The following CACNG7 variants were observed in gnomAD, a reference collection of about 807,000 sequenced individuals.
CACNG7 encodes the protein calcium voltage-gated channel auxiliary subunit gamma 7.
Under a neutral mutation model 26.3 loss-of-function variants are expected in CACNG7, and 9 were observed. The ratio of observed to expected loss-of-function variants is 0.34; its 90% CI spans 0.21 to 0.60. The LOEUF (loss-of-function observed/expected upper bound fraction) is 0.60, where lower values mean the gene tolerates loss of function less well. Among genes scored for constraint, CACNG7 ranks in the 20% least tolerant of loss-of-function variants. CACNG7 has a pLI of 0.81. For synonymous variants in CACNG7, 170 were observed against 157.0 expected (o/e 1.08, Z -0.62); for missense variants, 297 against 380.4 (o/e 0.78, Z 1.82).
intron 4 of CACNG7, among the ~76,000 whole-genome samples, chr19:53,935,969 C>T (rs191445225): frequency 6.2e-4 from 94 of 151,966 alleles, no homozygotes; most frequent in African/African-American, 2.0e-3. Context: ...GTTACTTTTT[C>T]CTGATTCAGA....
intron 4 of CACNG7, among the ~76,000 whole-genome samples, chr19:53,941,061 CA>C (rs11300024): frequency 0.88 from 125,725 of 143,646 alleles, 54,961 homozygotes; most frequent in African/African-American, 0.94. Flanking sequence ...GACTCCATTT[CA>C]AAAAAAAAAA....
At chr19:53,921,006 T>G (rs957230164) in intron 4 of CACNG7, among the ~76,000 whole-genome samples, 1 of 78,898 alleles carries the variant, frequency 1.3e-5, no homozygotes, top group Non-Finnish European at 2.3e-5. Flanking sequence ...AGGCTGGTCA[T>G]TGGTGGAGTT....
rs1258558998 is a variant in CACNG7 at position 53,943,881 on chromosome 19, T to A, written c.*1588T>A. The A allele has an allele frequency of 1.3e-5, 2 of 152,098 alleles. No homozygotes were observed. The highest frequency in any genetic ancestry group is 4.8e-5 in the African/African-American group (2 of 41,398). The allele number at this position is 152,098 out of a possible 1,614,324, so 9.4% of individuals were successfully genotyped here. A position where few individuals can be genotyped will look rare whatever the true frequency, so the allele number is the denominator to read the frequency against. Reference sequence around the variant, plus strand: ...CGGCAGCGCTTTATACTTCAGTCCGTGTAAAGCATGCAGGACCGTAAATGA... The same window carrying A: ...CGGCAGCGCTTTATACTTCAGTCCGAGTAAAGCATGCAGGACCGTAAATGA... On this transcript the variant is annotated 3_prime_UTR_variant, in exon 6 of 6. Coordinates refer to ENST00000391767, the MANE Select transcript of CACNG7 (RefSeq NM_031896.5).
intron 4 of CACNG7, among the ~76,000 whole-genome samples, chr19:53,930,624 A>C (rs2069065515): frequency 6.6e-6 from 1 of 151,868 alleles, no homozygotes; most frequent in Admixed American, 6.6e-5. Flanking sequence ...CTGCCCACCT[A>C]GGCCTCCCAA....
chr19:53,914,336 C>T (rs1453568450), intron 2 of CACNG7, among the ~76,000 whole-genome samples, 164 bp from the exon 3 acceptor site: 1 of 151,924 alleles, frequency 6.6e-6, no homozygotes. Flanking sequence ...GACATCCACC[C>T]ACCCGCTTTC....
At chr19:53,919,359 T>G (rs567907327) in intron 4 of CACNG7, among the ~76,000 whole-genome samples, 2 of 152,016 alleles carry the variant, frequency 1.3e-5, no homozygotes, top group South Asian at 4.2e-4. Flanking sequence ...GTCTGGTCAT[T>G]GGTGGAGTTG....
chr19:53,920,742 G>A (rs1279162566), intron 4 of CACNG7, among the ~76,000 whole-genome samples: 2 of 113,142 alleles, frequency 1.8e-5, no homozygotes, highest in Non-Finnish European at 3.5e-5. Flanking sequence ...GCTGGTCATT[G>A]GTGGAGTTGC....
intron 4 of CACNG7, among the ~76,000 whole-genome samples, chr19:53,930,014 G>A (rs1021326469): frequency 6.9e-6 from 1 of 145,224 alleles, no homozygotes; most frequent in Non-Finnish European, 1.5e-5. Context: ...GGGGATGGAG[G>A]AGATGTCTAA....
chr19:53,941,315 G>A (rs2069135920), intron 4 of CACNG7, among the ~76,000 whole-genome samples, 155 bp from the exon 5 acceptor site: 1 of 152,020 alleles, frequency 6.6e-6, no homozygotes, highest in African/African-American at 2.4e-5. Flanking sequence ...TTCATCTCTG[G>A]GCTCCCTGCA....
intron 5 of CACNG7, 157 bp downstream of exon 5, chr19:53,941,772 AG>A (rs2069138920): frequency 1.0e-6 from 1 of 987,820 alleles, no homozygotes; most frequent in Non-Finnish European, 1.5e-6. Flanking sequence ...CTGGAGGAAG[AG>A]GGGTCTGAGA....
At chr19:53,923,143 T>C (rs1178873158) in intron 4 of CACNG7, among the ~76,000 whole-genome samples, 1 of 112,598 alleles carries the variant, frequency 8.9e-6, no homozygotes. Context: ...ATTGGTGGAG[T>C]TGCCCCAGGT....
At chr19:53,924,399 C>CCTGGTCATTGGTGTACTTGCCCCAGGT (rs2069003073) in intron 4 of CACNG7, among the ~76,000 whole-genome samples, 9 of 113,738 alleles carry the variant, frequency 7.9e-5, no homozygotes, top group African/African-American at 2.8e-4. Context: ...TGTCCCCAGG[C>CCTGGTCATTGGTGTACTTGCCCCAGGT]CTGGTCATTG....
chr19:53,918,894 G>T (rs969673577), intron 4 of CACNG7, among the ~76,000 whole-genome samples: 4 of 152,038 alleles, frequency 2.6e-5, no homozygotes, highest in African/African-American at 9.7e-5. Context: ...TCAGCCTCCC[G>T]AGTAGCTGGG....
intron 4 of CACNG7, among the ~76,000 whole-genome samples, chr19:53,925,484 G>GCTGGTCATGGGTGGACTTGCCCCAGGT (rs2069021364): frequency 1.7e-5 from 2 of 116,684 alleles, no homozygotes; most frequent in Non-Finnish European, 3.5e-5. Context: ...GTTGCCCCAG[G>GCTGGTCATGGGTGGACTTGCCCCAGGT]CTGGTCATTG....
chr19:53,914,382 G>A (rs1244892411), intron 2 of CACNG7, 118 bp from the exon 3 acceptor site: 9 of 730,964 alleles, frequency 1.2e-5, no homozygotes, highest in Non-Finnish European at 2.1e-5. Flanking sequence ...CGTAACCCTT[G>A]GGTTAGGCCT....
chr19:53,914,460 G>A (rs1378246923), intron 2 of CACNG7, 40 bp from the exon 3 acceptor site: 14 of 1,580,080 alleles, frequency 8.9e-6, no homozygotes, highest in Middle Eastern at 3.4e-4. Flanking sequence ...TAGAGCTTAG[G>A]AGCCTCTCAT....
intron 4 of CACNG7, among the ~76,000 whole-genome samples, chr19:53,929,122 C>CAAAAAAAAAAAAA (rs1297562260): frequency 2.0e-5 from 1 of 50,514 alleles, no homozygotes; most frequent in African/African-American, 6.0e-5. Context: ...AAAAAAAAAA[C>CAAAAAAAAAAAAA]AAAAAAAAAA....
chr19:53,923,785 C>G (rs34108984), intron 4 of CACNG7, among the ~76,000 whole-genome samples: 439 of 41,234 alleles, frequency 0.011, no homozygotes, highest in Middle Eastern at 0.021. Flanking sequence ...GTCATTGGTG[C>G]AGTTGCCCCA....
chr19:53,910,750 T>C (rs1365508475), intron 1 of CACNG7, among the ~76,000 whole-genome samples: 1 of 152,112 alleles, frequency 6.6e-6, no homozygotes, highest in East Asian at 1.9e-4. Flanking sequence ...CTGGAATTTC[T>C]AGGTTCCTAA....
Sources: allele counts gnomAD v4.1 joint callset (sites outside exome capture counted in the v4.1 genomes callset), GRCh38; gene constraint gnomAD v4.1.1; transcripts MANE v1.5; gene names NCBI Gene and HGNC (gene_info 2026-07-23, HGNC 2026-07-21).